The following PER3 variants were observed in gnomAD, a reference collection of about 807,000 sequenced individuals.
PER3 encodes the protein period circadian protein homolog 3.
In PER3, 107 loss-of-function variants were observed where a neutral mutation model predicts 127.2. The ratio of observed to expected loss-of-function variants is 0.84; its 90% CI spans 0.72 to 0.99. The LOEUF is 0.99. Among genes scored for constraint, PER3 ranks in the 50% least tolerant of loss-of-function variants. The probability of loss-of-function intolerance (pLI) is 0.00; values close to 1 mark genes in which losing one functional copy is unlikely to be tolerated. For synonymous variants in PER3, 618 were observed against 585.8 expected, an observed-to-expected ratio of 1.05 and a Z score of -0.79; for missense variants, 1,560 against 1,525.8, an observed-to-expected ratio of 1.02 and a Z score of -0.37.
intron 13 of PER3, among the ~76,000 whole-genome samples, chr1:7,811,189 A>G (rs1196245644): frequency 2.0e-5 from 3 of 152,194 alleles, no homozygotes; most frequent in Non-Finnish European, 4.4e-5. Context: ...AATTTAGCTA[A>G]CTTTCCCTTC....
chr1:7,824,570 C>G (rs914628834), intron 16 of PER3, among the ~76,000 whole-genome samples: 1 of 151,968 alleles, frequency 6.6e-6, no homozygotes, highest in Non-Finnish European at 1.5e-5. Flanking sequence ...CCTGGTGATT[C>G]TTTCTAATTG....
At chr1:7,810,682 C>A in intron 13 of PER3, 94 bp downstream of exon 13, 1 of 1,188,288 alleles carries the variant, frequency 8.4e-7, no homozygotes. Context: ...AAAGTCATGA[C>A]CCTGTGTTGC....
chr1:7,826,453 A>T lies in PER3; in HGVS notation c.1958-27A>T. Reference sequence around the variant, plus strand: ...AATACAAATAATTGATAGGAATTAAAATTAAATATGTCTTCTTCCACCTCA... The same window carrying T: ...AATACAAATAATTGATAGGAATTAATATTAAATATGTCTTCTTCCACCTCA... On this transcript the variant is annotated intron_variant, in intron 16 of 21. Transcript: ENST00000377532. The surrounding 1 kb of genome is among the most constrained non-coding windows in gnomAD (Gnocchi z 4.2). 7.9e-7 allele frequency: 1 copy of T among 1,270,178 alleles called. No individual in the cohort carries two copies. Among genetic ancestry groups the T allele is most frequent in the Non-Finnish European group, 1.1e-6 (1 of 871,776 alleles). The allele number at this position is 1,270,178 out of a possible 1,614,324, so 78.7% of individuals were successfully genotyped here.
chr1:7,833,304 A>C (rs1195045648), intron 19 of PER3, among the ~76,000 whole-genome samples: 4 of 152,166 alleles, frequency 2.6e-5, no homozygotes, highest in Non-Finnish European at 5.9e-5. Flanking sequence ...GATAATGTTG[A>C]TCCAACCTTT....
intron 13 of PER3, among the ~76,000 whole-genome samples, chr1:7,814,779 A>G (rs774447800): frequency 1.2e-4 from 18 of 152,232 alleles, no homozygotes; most frequent in Non-Finnish European, 2.4e-4. Flanking sequence ...TGTGACAACA[A>G]TACTACAGAG....
At chr1:7,790,398 T>G (rs1005593436) in intron 5 of PER3, among the ~76,000 whole-genome samples, 1 of 152,136 alleles carries the variant, frequency 6.6e-6, no homozygotes, top group African/African-American at 2.4e-5. Context: ...ATCAGATCTC[T>G]TGAGAACTTA....
At chr1:7,789,670 G>A (rs1436734760) in intron 5 of PER3, among the ~76,000 whole-genome samples, 1 of 152,148 alleles carries the variant, frequency 6.6e-6, no homozygotes, top group African/African-American at 2.4e-5. Flanking sequence ...ACATTGTTGT[G>A]AAACAGATCT....
rs143859001 is a variant in PER3 at position 7,827,449 on chromosome 1, C to T, written c.2520C>T (p.Gly840=). Residue 840 remains glycine, a synonymous_variant, in exon 18 of 22, where the codon GGC becomes GGT. Transcript: ENST00000377532. ...EGLHGLPLSE[G]LQPYPAFPFP... is the part of the protein sequence containing the mutation. ...TGCATGGGCTGCCCTTGTCCGAGGGCTTGCAGCCTTACCCAGCTTTCCCTT... is the reference window on the plus strand; with the variant it reads ...TGCATGGGCTGCCCTTGTCCGAGGGTTTGCAGCCTTACCCAGCTTTCCCTT... 10 of 1,614,074 alleles carry T rather than the reference C, an allele frequency of 6.2e-6. No individual in the cohort carries two copies. The African/African-American group carries it at 8.0e-5, about 13-fold the overall frequency.
chr1:7,813,684 C>A (rs1378005486), intron 13 of PER3, among the ~76,000 whole-genome samples: 3 of 152,140 alleles, frequency 2.0e-5, no homozygotes, highest in African/African-American at 7.2e-5. Context: ...AGAACCATTA[C>A]AATACTCAAA....
chr1:7,819,143 TCTG>T (rs2097264727), intron 13 of PER3, 139 bp from the exon 14 acceptor site: 1 of 637,784 alleles, frequency 1.6e-6, no homozygotes, highest in African/African-American at 1.8e-5. Context: ...GCATTTTAGA[TCTG>T]CACTCATTTT....
intron 10 of PER3, among the ~76,000 whole-genome samples, chr1:7,806,159 G>A (rs2097191633): frequency 6.6e-6 from 1 of 152,180 alleles, no homozygotes; most frequent in Non-Finnish European, 1.5e-5. Flanking sequence ...TTTGGTAAGT[G>A]TGACAGTTGA....
In PER3 at chr1:7,812,757, G is replaced by A. The variant is rs555550294; in HGVS notation, c.1522+2169G>A. 3.9e-5 allele frequency among the ~76,000 whole-genome samples: 6 copies of A among 152,168 alleles called. No homozygotes were observed. The South Asian group carries it at 8.3e-4, about 21-fold the overall frequency. On this transcript the variant is annotated intron_variant, in intron 13 of 21. Coordinates refer to ENST00000377532, the MANE Select transcript of PER3 (RefSeq NM_001377275.1). ...TTGGCTCTAATAGCACACACAGGAT[G>A]TGACTTTGGAGAAGAAGGAAGATCT...
intron 13 of PER3, among the ~76,000 whole-genome samples, chr1:7,812,172 A>T (rs1034561308): frequency 1.3e-5 from 2 of 151,942 alleles, no homozygotes; most frequent in African/African-American, 4.8e-5. Context: ...TCACACACTG[A>T]CCTCTGTCCT....
At chr1:7,819,224 G>A (rs1437275719) in intron 13 of PER3, 61 bp from the exon 14 acceptor site, 2 of 1,449,174 alleles carry the variant, frequency 1.4e-6, no homozygotes, top group Non-Finnish European at 1.9e-6. Flanking sequence ...TGGTAAGAAA[G>A]TATATGTTCT....
At chr1:7,832,147 T>G (rs970176576) in intron 19 of PER3, among the ~76,000 whole-genome samples, 3 of 152,130 alleles carry the variant, frequency 2.0e-5, no homozygotes, top group Non-Finnish European at 4.4e-5. Flanking sequence ...TTTTATCTAA[T>G]TTGTTGAATA....
At chr1:7,818,256 G>T (rs1225732527) in intron 13 of PER3, among the ~76,000 whole-genome samples, 4 of 152,164 alleles carry the variant, frequency 2.6e-5, no homozygotes, top group Non-Finnish European at 5.9e-5. Context: ...TGGAAGCTGG[G>T]TGATGGGCAT....
At chr1:7,830,182 A>C in intron 19 of PER3, 21 bp downstream of exon 19, 1 of 1,597,956 alleles carries the variant, frequency 6.3e-7, no homozygotes, top group Non-Finnish European at 8.6e-7. Flanking sequence ...AGGACAACTA[A>C]TGTTTCAAAC....
intron 16 of PER3, among the ~76,000 whole-genome samples, chr1:7,823,274 T>C (rs912081949): frequency 1.3e-5 from 2 of 152,218 alleles, no homozygotes; most frequent in African/African-American, 2.4e-5. Flanking sequence ...GGACATCTTT[T>C]CATAATGACA....
At chr1:7,789,938 TTGTC>T (rs1296211394) in intron 5 of PER3, among the ~76,000 whole-genome samples, 7 of 152,210 alleles carry the variant, frequency 4.6e-5, no homozygotes, top group African/African-American at 1.2e-4. Flanking sequence ...TTTTCAACCT[TTGTC>T]TGTATTTGTT....
Sources: gnomAD v4.1 joint callset for allele counts (sites outside exome capture counted in the v4.1 genomes callset) on GRCh38, gnomAD v4.1.1 for gene constraint, Gnocchi (gnomAD v3.1) non-coding constraint, MANE v1.5 for transcripts, NCBI Gene and HGNC (gene_info 2026-07-23, HGNC 2026-07-21) for gene names.